The following CDKAL1 variants were observed in gnomAD, a reference collection of about 807,000 sequenced individuals.
CDKAL1 encodes threonylcarbamoyladenosine tRNA methylthiotransferase.
Under a neutral mutation model 68.2 loss-of-function variants are expected in CDKAL1, and 32 were observed. That is an observed-to-expected ratio of 0.47 (90% confidence interval 0.35 to 0.63). The LOEUF (loss-of-function observed/expected upper bound fraction) is 0.63. CDKAL1 is among the 30% of genes least tolerant of loss of function. CDKAL1 has a pLI of 0.00. For synonymous variants in CDKAL1, 234 were observed against 244.3 expected, an observed-to-expected ratio of 0.96 and a Z score of 0.39; for missense variants, 606 against 696.7, an observed-to-expected ratio of 0.87 and a Z score of 1.47.
At chr6:20,806,002 T>G (rs1776557110) in intron 8 of CDKAL1, among the ~76,000 whole-genome samples, 1 of 152,234 alleles carries the variant, frequency 6.6e-6, no homozygotes, top group Admixed American at 6.5e-5. Flanking sequence ...TTTTTTAATT[T>G]TCAACTTTTA....
chr6:21,039,828 A>C (rs1479385431), intron 11 of CDKAL1, among the ~76,000 whole-genome samples: 1 of 151,996 alleles, frequency 6.6e-6, no homozygotes, highest in East Asian at 1.9e-4. Flanking sequence ...ATGCCATATA[A>C]TTTTTTCTAT....
At chr6:20,769,503 C>T (rs1344283105) in intron 7 of CDKAL1, among the ~76,000 whole-genome samples, 1 of 151,966 alleles carries the variant, frequency 6.6e-6, no homozygotes, top group Non-Finnish European at 1.5e-5. Flanking sequence ...ATGTGATCTC[C>T]CCCGCCTTGT....
chr6:21,145,131 C>G (rs1053694444), intron 13 of CDKAL1, among the ~76,000 whole-genome samples: 1 of 152,138 alleles, frequency 6.6e-6, no homozygotes, highest in African/African-American at 2.4e-5. Context: ...TTTGCATGCA[C>G]TTGATTCACA....
At chr6:21,160,764 A>G (rs935186657) in intron 13 of CDKAL1, among the ~76,000 whole-genome samples, 1 of 150,926 alleles carries the variant, frequency 6.6e-6, no homozygotes, top group Non-Finnish European at 1.5e-5. Context: ...GGTTTGTTAC[A>G]TAGGTATACA....
chr6:21,061,511 A>G (rs1051093917), intron 11 of CDKAL1, among the ~76,000 whole-genome samples: 3 of 152,228 alleles, frequency 2.0e-5, no homozygotes, highest in African/African-American at 7.2e-5. Context: ...TTGAAAATTC[A>G]TGTCATCTCA....
At chr6:21,062,334 C>T (rs1582121705) in intron 11 of CDKAL1, among the ~76,000 whole-genome samples, 2 of 152,072 alleles carry the variant, frequency 1.3e-5, no homozygotes, top group Admixed American at 1.3e-4. Context: ...TAGCTGTAGA[C>T]CTTTTGATAA....
chr6:20,663,282 A>AT (rs1769373556), intron 5 of CDKAL1, among the ~76,000 whole-genome samples: 1 of 151,956 alleles, frequency 6.6e-6, no homozygotes, highest in Admixed American at 6.6e-5. Flanking sequence ...TCCCAACAGA[A>AT]TTGGGATTCT....
chr6:20,799,047 T>TTTTTG (rs1776248962), intron 8 of CDKAL1, among the ~76,000 whole-genome samples: 2 of 109,024 alleles, frequency 1.8e-5, no homozygotes. Context: ...TGAGTTTTTT[T>TTTTTG]TTTTTTTTTT....
intron 13 of CDKAL1, among the ~76,000 whole-genome samples, chr6:21,176,774 A>T (rs1777600196): frequency 7.1e-6 from 1 of 140,674 alleles, no homozygotes; most frequent in Admixed American, 7.9e-5. Context: ...GGCTCAGCGC[A>T]TCCTCCGCCA....
intron 5 of CDKAL1, among the ~76,000 whole-genome samples, chr6:20,685,726 A>G (rs1250283138): frequency 6.6e-6 from 1 of 152,146 alleles, no homozygotes; most frequent in Non-Finnish European, 1.5e-5. Context: ...TGCTAGAACC[A>G]TAGGCACACA....
rs146228654 is a variant in CDKAL1, at chr6:20,629,894, G to C, written c.287-19399G>C. ...TTTTGAGATAGAGTCTTGCCCTGTT[G>C]CCAGGCTGGAGTGCAGCGGCACGAT... On this transcript the variant is annotated intron_variant, in intron 4 of 15. Transcript: ENST00000274695. Among the ~76,000 whole-genome samples the C allele has an allele frequency of 3.1e-3, 467 of 152,038 alleles. 5 individuals are homozygous for C. Among genetic ancestry groups the C allele is most frequent in the African/African-American group, 0.011 (438 of 41,464 alleles).
chr6:21,039,434 A>G (rs548088299), intron 11 of CDKAL1, among the ~76,000 whole-genome samples: 6 of 152,294 alleles, frequency 3.9e-5, no homozygotes, highest in Non-Finnish European at 7.4e-5. Flanking sequence ...TTCACTCAGC[A>G]ATTAGTTTTC....
chr6:20,724,035 T>G (rs948507495), intron 5 of CDKAL1, among the ~76,000 whole-genome samples: 1 of 152,102 alleles, frequency 6.6e-6, no homozygotes, highest in Admixed American at 6.5e-5. Flanking sequence ...TGGGTTTAAG[T>G]GATTTTCCCA....
intron 4 of CDKAL1, among the ~76,000 whole-genome samples, chr6:20,588,453 G>A (rs1269347968): frequency 1.3e-5 from 2 of 152,160 alleles, no homozygotes; most frequent in African/African-American, 2.4e-5. Context: ...ATTTATAAAT[G>A]TTTGATCTCT....
intron 9 of CDKAL1, among the ~76,000 whole-genome samples, chr6:20,940,244 T>G (rs1763905747): frequency 6.6e-6 from 1 of 152,176 alleles, no homozygotes; most frequent in Non-Finnish European, 1.5e-5. Context: ...GCACAAAATC[T>G]TATATCTATC....
At chr6:20,815,467 A>G (rs894966208) in intron 8 of CDKAL1, among the ~76,000 whole-genome samples, 7 of 151,938 alleles carry the variant, frequency 4.6e-5, no homozygotes, top group Non-Finnish European at 1.0e-4. Flanking sequence ...GGTTTTCAAA[A>G]TCACTTACAG....
chr6:21,004,443 GA>G (rs1400400750), intron 11 of CDKAL1, among the ~76,000 whole-genome samples: 1 of 152,194 alleles, frequency 6.6e-6, no homozygotes, highest in Non-Finnish European at 1.5e-5. Context: ...TTGCAAAGAA[GA>G]GCGTCTAAAT....
Position 20,988,615 on chromosome 6 carries a change from G to A in CDKAL1, c.910-11612G>A, listed in dbSNP as rs1206690875. Among the ~76,000 whole-genome samples, 3 of 152,040 alleles carry A rather than the reference G, an allele frequency of 2.0e-5. No homozygotes were observed. The East Asian group carries it at 5.8e-4, about 29-fold the overall frequency. ...GACCATGGAGTTAGGGGGGAAAAGA[G>A]ACTGAGAGAATCACTGGTTTTTTTG... On this transcript the variant is annotated intron_variant, in intron 10 of 15. Coordinates refer to ENST00000274695, the MANE Select transcript of CDKAL1 (RefSeq NM_017774.3).
At position 20,644,645 on chromosome 6, in the gene CDKAL1, G is replaced by A. The variant is rs571167173; in HGVS notation, c.287-4648G>A. ...CAGTGAGCCGAGATCTCTAGCCTGG[G>A]CAACAGAGCGAGACTCCGTCTCAAA... On this transcript the variant is annotated intron_variant, in intron 4 of 15. Coordinates refer to ENST00000274695, the MANE Select transcript of CDKAL1 (RefSeq NM_017774.3). Among the ~76,000 whole-genome samples the A allele has an allele frequency of 7.2e-5, 11 of 152,212 alleles. No individual in the cohort carries two copies. The East Asian group carries it at 1.9e-3, about 27-fold the overall frequency.
Sources: gnomAD v4.1 joint callset for allele counts (sites outside exome capture counted in the v4.1 genomes callset) on GRCh38, gnomAD v4.1.1 for gene constraint, MANE v1.5 for transcripts, NCBI Gene and HGNC (gene_info 2026-07-23, HGNC 2026-07-21) for gene names.